The following RETREG1 variants were observed in gnomAD, a reference collection of about 807,000 sequenced individuals.
The protein encoded by RETREG1 is family with sequence similarity 134 member B.
Under a neutral mutation model 54.8 loss-of-function variants are expected in RETREG1, and 44 were observed. That is an observed-to-expected ratio of 0.80 (90% CI 0.63 to 1.03). The LOEUF is 1.03. RETREG1 is among the 50% of genes least tolerant of loss of function. The pLI, the probability that RETREG1 is intolerant of heterozygous loss-of-function variation, is 0.00. For synonymous variants in RETREG1, 217 were observed against 238.5 expected (o/e 0.91, Z 0.83); for missense variants, 554 against 605.1 (o/e 0.92, Z 0.89).
intron 1 of RETREG1, among the ~76,000 whole-genome samples, chr5:16,582,244 T>C (rs1368003962): frequency 6.6e-6 from 1 of 152,232 alleles, no homozygotes; most frequent in Non-Finnish European, 1.5e-5. Context: ...TTTAGCAAGT[T>C]AGGGCCTATT....
chr5:16,532,532 C>T (rs1035053757), intron 3 of RETREG1, among the ~76,000 whole-genome samples: 5 of 152,152 alleles, frequency 3.3e-5, no homozygotes, highest in Admixed American at 1.3e-4. Context: ...CAGACAATAA[C>T]GGGAAAAATT....
intron 3 of RETREG1, among the ~76,000 whole-genome samples, chr5:16,558,695 A>G (rs10053746): frequency 6.6e-6 from 1 of 152,062 alleles, no homozygotes; most frequent in Non-Finnish European, 1.5e-5. Flanking sequence ...TTTAAGACAC[A>G]TTAGAACAAA....
chr5:16,603,475 G>A (rs1320110718), intron 1 of RETREG1, among the ~76,000 whole-genome samples: 2 of 152,202 alleles, frequency 1.3e-5, no homozygotes, highest in African/African-American at 4.8e-5. Flanking sequence ...CGCTGAAGAG[G>A]TGACAGGAAA....
At chr5:16,584,610 G>A (rs1183937606) in intron 1 of RETREG1, among the ~76,000 whole-genome samples, 2 of 152,098 alleles carry the variant, frequency 1.3e-5, no homozygotes, top group African/African-American at 2.4e-5. Context: ...TCAAGAGTTA[G>A]ACATACCTGC....
intron 3 of RETREG1, among the ~76,000 whole-genome samples, chr5:16,527,923 C>A (rs1312550260): frequency 6.7e-6 from 1 of 148,686 alleles, no homozygotes; most frequent in Non-Finnish European, 1.5e-5. Context: ...CATTCTCCAG[C>A]CTCAGCCTCC....
chr5:16,573,136 C>G (rs571323568), intron 1 of RETREG1, among the ~76,000 whole-genome samples: 3 of 132,988 alleles, frequency 2.3e-5, no homozygotes, highest in African/African-American at 8.4e-5. Flanking sequence ...GAGCCAAGAT[C>G]GCACCACTGC....
chr5:16,485,921 TATAG>T (rs1216253983), intron 3 of RETREG1, among the ~76,000 whole-genome samples: 6 of 152,200 alleles, frequency 3.9e-5, no homozygotes, highest in African/African-American at 1.4e-4. Flanking sequence ...CCTCTGTGTC[TATAG>T]ATAAACACTA....
intron 1 of RETREG1, chr5:16,616,155 C>T (rs14153): frequency 0.5 from 77,912 of 154,928 alleles, 20,338 homozygotes; most frequent in South Asian, 0.64. Context: ...AAACCTAACG[C>T]TCCAGGGGAA....
chr5:16,602,233 G>A (rs1297723774), intron 1 of RETREG1, among the ~76,000 whole-genome samples: 2 of 152,122 alleles, frequency 1.3e-5, no homozygotes, highest in African/African-American at 4.8e-5. Flanking sequence ...TTCTCAAGAA[G>A]AAGAAATGGG....
intron 3 of RETREG1, among the ~76,000 whole-genome samples, chr5:16,532,526 C>A (rs1740945429): frequency 6.6e-6 from 1 of 152,132 alleles, no homozygotes. Context: ...TCCATGCAGA[C>A]AATAACGGGA....
chr5:16,526,393 C>T (rs1740717363), intron 3 of RETREG1, among the ~76,000 whole-genome samples: 1 of 152,214 alleles, frequency 6.6e-6, no homozygotes, highest in African/African-American at 2.4e-5. Flanking sequence ...GCCTTAGTTA[C>T]AAGCCAGGGC....
chr5:16,538,685 C>G (rs1741148568), intron 3 of RETREG1, among the ~76,000 whole-genome samples: 1 of 151,740 alleles, frequency 6.6e-6, no homozygotes, highest in Admixed American at 6.6e-5. Context: ...TCAAGAAGAA[C>G]AAATACATTC....
chr5:16,474,646 T>G lies in RETREG1; in HGVS notation c.*95A>C. The G allele has an allele frequency of 6.8e-7, 1 of 1,461,090 alleles. No homozygotes were observed. The highest frequency in any genetic ancestry group is 9.3e-7 in the Non-Finnish European group (1 of 1,075,698). 90.5% of individuals were successfully genotyped at this position (1,461,090 alleles called of 1,614,324 possible). A position where few individuals can be genotyped will look rare whatever the true frequency, so the allele number is the denominator to read the frequency against. ...CAAATCTAAAGTAATCATTAAAGCT[T>G]ACAGTTCAATTTTTTTCTTTTCCTT... is the stretch of plus-strand genomic sequence containing the variant. On this transcript the variant is annotated 3_prime_UTR_variant, in exon 9 of 9. Transcript: ENST00000306320.
chr5:16,540,796 G>A (rs926791039), intron 3 of RETREG1, among the ~76,000 whole-genome samples: 21 of 152,132 alleles, frequency 1.4e-4, no homozygotes, highest in African/African-American at 3.6e-4. Context: ...GAGGAGATGC[G>A]AGACATGTCA....
intron 3 of RETREG1, among the ~76,000 whole-genome samples, chr5:16,560,516 A>T (rs1445383798): frequency 1.3e-5 from 2 of 152,206 alleles, no homozygotes; most frequent in East Asian, 3.9e-4. Context: ...TTATCCTGAG[A>T]TCTAGCCCAA....
chr5:16,592,621 T>C (rs1402856920), intron 1 of RETREG1, among the ~76,000 whole-genome samples: 1 of 151,942 alleles, frequency 6.6e-6, no homozygotes, highest in Non-Finnish European at 1.5e-5. Context: ...GCAGCAGCAC[T>C]CACAATAGCA....
chr5:16,499,463 T>C (rs1039416604), intron 3 of RETREG1, among the ~76,000 whole-genome samples: 1 of 152,234 alleles, frequency 6.6e-6, no homozygotes, highest in African/African-American at 2.4e-5. Context: ...CCTTACCTTA[T>C]GTAAAATAGA....
At chr5:16,562,432 A>C (rs548395264) in intron 3 of RETREG1, among the ~76,000 whole-genome samples, 23 of 152,330 alleles carry the variant, frequency 1.5e-4, no homozygotes, top group African/African-American at 5.5e-4. Flanking sequence ...AGGTGGATAC[A>C]TGCCTAGGGC....
chr5:16,586,798 G>A (rs2126333005), intron 1 of RETREG1, among the ~76,000 whole-genome samples: 1 of 152,282 alleles, frequency 6.6e-6, no homozygotes. Flanking sequence ...AGGCAGGGTG[G>A]CTTATAAACA....
Sources: gnomAD v4.1 joint callset for allele counts (sites outside exome capture counted in the v4.1 genomes callset) on GRCh38, gnomAD v4.1.1 for gene constraint, MANE v1.5 for transcripts, NCBI Gene and HGNC (gene_info 2026-07-23, HGNC 2026-07-21) for gene names.